Variants in SLIT1 observed in about 807,000 individuals in gnomAD.
The protein encoded by SLIT1 is slit homolog 1 protein.
In SLIT1, 66 loss-of-function variants were observed where a neutral mutation model predicts 186.1. The observed-to-expected ratio is 0.35, with a 90% CI of 0.29 to 0.44. SLIT1 has a LOEUF of 0.44. Ranked by LOEUF, SLIT1 falls within the 20% of genes least tolerant of loss-of-function variation. The probability of loss-of-function intolerance (pLI) is 1.00; values close to 1 mark genes in which losing one functional copy is unlikely to be tolerated. For missense variants in SLIT1, 1,638 were observed against 2,037.4 expected (o/e 0.80, Z 3.77); for synonymous variants, 761 against 833.8 (o/e 0.91, Z 1.50).
chr10:97,047,921 C>A, intron 15 of SLIT1, 52 bp downstream of exon 15: 1 of 1,613,440 alleles, frequency 6.2e-7, no homozygotes, highest in Non-Finnish European at 8.5e-7. Flanking sequence ...AGCCTGCCCA[C>A]CCACTACCAC....
At chr10:97,092,203 G>A (rs1257153931) in intron 4 of SLIT1, among the ~76,000 whole-genome samples, 1 of 152,222 alleles carries the variant, frequency 6.6e-6, no homozygotes, top group East Asian at 1.9e-4. Flanking sequence ...GGCTGCCCAA[G>A]GTCTATGCAG....
In SLIT1 at chr10:97,066,101, C is replaced by T; in HGVS notation, c.414-15G>A. ...CACTCAAGTCCCTGGGAGGATAAAG[C>T]CAGAGGGAGAGAAAACACCGGTCAG... On this transcript the variant is annotated splice_polypyrimidine_tract_variant and intron_variant, in intron 4 of 36. Coordinates refer to ENST00000266058, the MANE Select transcript of SLIT1 (RefSeq NM_003061.3). 3 of 1,589,280 alleles carry T rather than the reference C, an allele frequency of 1.9e-6. No homozygotes were observed. The highest frequency in any genetic ancestry group is 2.6e-6 in the Non-Finnish European group (3 of 1,164,138).
intron 13 of SLIT1, 128 bp downstream of exon 13, chr10:97,056,193 C>T: frequency 1.0e-6 from 1 of 1,004,534 alleles, no homozygotes; most frequent in African/African-American, 1.6e-5. Flanking sequence ...TGTGTCCTTC[C>T]TCTGTAAGAG....
At chr10:97,044,135 C>T (rs1030147520) in intron 18 of SLIT1, among the ~76,000 whole-genome samples, 2 of 152,380 alleles carry the variant, frequency 1.3e-5, no homozygotes, top group East Asian at 3.9e-4. Flanking sequence ...GATGCAGTGG[C>T]TCATGCCTGT....
chr10:97,012,129 C>G (rs947656230), intron 30 of SLIT1, among the ~76,000 whole-genome samples: 1 of 132,378 alleles, frequency 7.6e-6, no homozygotes, highest in East Asian at 2.3e-4. Context: ...CACACACACA[C>G]GCACACATTC....
chr10:97,111,283 C>A (rs1198331631), intron 4 of SLIT1, among the ~76,000 whole-genome samples: 2 of 152,074 alleles, frequency 1.3e-5, no homozygotes, highest in African/African-American at 4.8e-5. Context: ...GCTTCAGACG[C>A]CCAGCCAAGA....
chr10:97,037,677 T>G lies in SLIT1; in HGVS notation c.2366+21A>C, dbSNP rs1276882158. The G allele has an allele frequency of 3.8e-6, 6 of 1,599,434 alleles. No homozygotes were observed. In the East Asian group the frequency reaches 1.3e-4, roughly 36 times the overall value. ...TTAGATGCCAAAGGCCCTCCTGTCC[T>G]CAAGCGGCCTGGATACTTACACGAG... On this transcript the variant is annotated intron_variant, in intron 22 of 36. Coordinates refer to ENST00000266058, the MANE Select transcript of SLIT1 (RefSeq NM_003061.3).
intron 18 of SLIT1, among the ~76,000 whole-genome samples, chr10:97,045,167 G>C (rs1425219556): frequency 6.6e-6 from 1 of 151,592 alleles, no homozygotes; most frequent in Non-Finnish European, 1.5e-5. Flanking sequence ...TGTTATAGCA[G>C]CCTGAACCCA....
At chr10:97,034,575 G>C (rs1278408938) in intron 22 of SLIT1, 33 bp from the exon 23 acceptor site, 3 of 1,574,294 alleles carry the variant, frequency 1.9e-6, no homozygotes, top group Admixed American at 1.7e-5. Flanking sequence ...GATTTAGAAA[G>C]AACTCACTCA....
chr10:97,060,283 C>T (rs1390908525), intron 9 of SLIT1, 125 bp from the exon 10 acceptor site: 7 of 801,090 alleles, frequency 8.7e-6, no homozygotes, highest in African/African-American at 1.7e-5. Context: ...CTTCCCACTT[C>T]CAGAAGTTGA....
At chr10:97,019,232 T>C in intron 26 of SLIT1, 125 bp from the exon 27 acceptor site, 1 of 653,200 alleles carries the variant, frequency 1.5e-6, no homozygotes, top group Admixed American at 2.5e-5. Flanking sequence ...TTTCCCCAGA[T>C]CGTGCTCACA....
chr10:97,089,851 T>C (rs1298833385), intron 4 of SLIT1, among the ~76,000 whole-genome samples: 1 of 152,188 alleles, frequency 6.6e-6, no homozygotes, highest in East Asian at 1.9e-4. Flanking sequence ...AGCCAGATTG[T>C]CTGGGCTGAA....
At position 97,034,458 on chromosome 10, in the gene SLIT1, T is replaced by A. The variant is rs753286445; in HGVS notation, c.2438+13A>T. On this transcript the variant is annotated intron_variant, in intron 23 of 36. Coordinates refer to ENST00000266058, the MANE Select transcript of SLIT1 (RefSeq NM_003061.3). ...GCCCCGGGGCCCCCCACCCCAGCCCTGCTGGGACTCACAGAGTGGTCAGCT... is the reference window on the plus strand; with the variant it reads ...GCCCCGGGGCCCCCCACCCCAGCCCAGCTGGGACTCACAGAGTGGTCAGCT... 1 of 1,606,646 alleles carries A rather than the reference T, an allele frequency of 6.2e-7. No homozygotes were observed. Among genetic ancestry groups the A allele is most frequent in the Admixed American group, 1.7e-5 (1 of 60,002 alleles).
intron 28 of SLIT1, among the ~76,000 whole-genome samples, chr10:97,015,663 G>A (rs758476265): frequency 1.3e-5 from 2 of 152,172 alleles, no homozygotes; most frequent in Non-Finnish European, 2.9e-5. Context: ...GAGAGATACA[G>A]TCCAATAAAA....
chr10:97,012,512 A>G (rs1430178881), intron 30 of SLIT1, among the ~76,000 whole-genome samples: 3 of 152,208 alleles, frequency 2.0e-5, no homozygotes, highest in Admixed American at 6.5e-5. Context: ...GCTAAGCACA[A>G]TGCTTGCCCT....
At chr10:97,080,397 C>T (rs1849092214) in intron 4 of SLIT1, among the ~76,000 whole-genome samples, 1 of 152,244 alleles carries the variant, frequency 6.6e-6, no homozygotes, top group Non-Finnish European at 1.5e-5. Flanking sequence ...GGCCCAAGAA[C>T]ACTCAGCCAC....
chr10:97,149,932 G>A (rs1310387613), intron 4 of SLIT1, among the ~76,000 whole-genome samples: 1 of 152,182 alleles, frequency 6.6e-6, no homozygotes, highest in Non-Finnish European at 1.5e-5. Flanking sequence ...GTGTTAAATG[G>A]GCTGAATAGT....
intron 23 of SLIT1, among the ~76,000 whole-genome samples, chr10:97,032,377 T>C (rs1484991163): frequency 2.0e-5 from 3 of 152,102 alleles, no homozygotes; most frequent in African/African-American, 7.2e-5. Flanking sequence ...GAGAACAGCC[T>C]GACCGACATG....
chr10:97,004,800 C>T lies in SLIT1; in HGVS notation c.3603G>A (p.Gly1201=). ...TLQVSTAEDN[G]ILLYNGDNDH... is the part of the protein sequence containing the mutation. ...CGTTGTCCCCGTTGTACAGAAGGAT[C>T]CCATTGTCCTCTGCCGTGGAGACCT... Residue 1201 remains glycine, a synonymous_variant, in exon 33 of 37, where the codon GGG becomes GGA. Transcript: ENST00000266058. This position sits in a 1 kb window ranked among gnomAD's most constrained non-coding sequence, Gnocchi z 5.1. The T allele has an allele frequency of 6.2e-7, 1 of 1,614,166 alleles. No individual in the cohort carries two copies. Among genetic ancestry groups the T allele is most frequent in the South Asian group, 1.1e-5 (1 of 91,090 alleles).
Sources: allele counts gnomAD v4.1 joint callset (sites outside exome capture counted in the v4.1 genomes callset), GRCh38; gene constraint gnomAD v4.1.1; non-coding constraint Gnocchi (gnomAD v3.1); transcripts MANE v1.5; gene names NCBI Gene and HGNC (gene_info 2026-07-23, HGNC 2026-07-21).